Variants in GPRIN3 observed in about 807,000 individuals in gnomAD.
GPRIN3 encodes the protein GPRIN family member 3.
GPRIN3 carries 12 observed loss-of-function variants against 13.7 expected under a neutral mutation model. The ratio of observed to expected loss-of-function variants is 0.87; its 90% CI spans 0.56 to 1.42. GPRIN3 has a LOEUF of 1.42. Ranked by LOEUF, GPRIN3 falls within the 40% of genes most tolerant of loss-of-function variation. The pLI is 0.00. For missense variants in GPRIN3, 1,009 were observed against 958.7 expected (o/e 1.05, Z -0.69); for synonymous variants, 377 against 372.7 (o/e 1.01, Z -0.13).
intron 1 of GPRIN3, among the ~76,000 whole-genome samples, chr4:89,281,763 G>A (rs1248919423): frequency 6.6e-6 from 1 of 152,036 alleles, no homozygotes; most frequent in East Asian, 1.9e-4. Context: ...TTTTGTTATG[G>A]CCACTCTAGG....
intron 1 of GPRIN3, among the ~76,000 whole-genome samples, chr4:89,278,397 A>G (rs1428618483): frequency 6.6e-6 from 1 of 152,224 alleles, no homozygotes; most frequent in Admixed American, 6.5e-5. Context: ...CCACAGCGAT[A>G]ATGACATATT....
chr4:89,257,797 G>A (rs922756336), intron 1 of GPRIN3, among the ~76,000 whole-genome samples: 17 of 152,110 alleles, frequency 1.1e-4, no homozygotes, highest in Admixed American at 5.2e-4. Context: ...TAGTGGTATA[G>A]GAACATTCCT....
At chr4:89,270,526 C>T (rs1490196205) in intron 1 of GPRIN3, among the ~76,000 whole-genome samples, 4 of 135,094 alleles carry the variant, frequency 3.0e-5, no homozygotes, top group African/African-American at 1.2e-4. Context: ...GCTACGACAT[C>T]TCTCATATAT....
intron 1 of GPRIN3, among the ~76,000 whole-genome samples, chr4:89,301,450 G>A (rs759188694): frequency 6.6e-6 from 1 of 152,112 alleles, no homozygotes; most frequent in African/African-American, 2.4e-5. Flanking sequence ...TAGAAAAACT[G>A]TCAACAAGAA....
At position 89,249,473 on chromosome 4, in the gene GPRIN3, G is replaced by C; in HGVS notation, c.638C>G (p.Ser213Cys). The C allele has an allele frequency of 6.2e-7, 1 of 1,614,092 alleles. No individual in the cohort carries two copies. The highest frequency in any genetic ancestry group is 8.5e-7 in the Non-Finnish European group (1 of 1,180,020). Residue 213 changes from serine to cysteine, a missense_variant, in exon 2 of 2, where the codon TCC becomes TGC. Transcript: ENST00000609438. ...CCCTTCAGGTCCACCTACAGGAGAGGATGAGTGACTGACCACCCTGGCTGC... is the reference window on the plus strand; with the variant it reads ...CCCTTCAGGTCCACCTACAGGAGAGCATGAGTGACTGACCACCCTGGCTGC... ...VTAARVVSHS[S>C]SPVGGPEGER...
At chr4:89,306,186 T>C (rs1725028585) in intron 1 of GPRIN3, among the ~76,000 whole-genome samples, 1 of 152,174 alleles carries the variant, frequency 6.6e-6, no homozygotes, top group African/African-American at 2.4e-5. Flanking sequence ...CTTTTGCAGA[T>C]AGCAGCAGAG....
rs1723137021 is a variant in GPRIN3, at chr4:89,247,546, C to T, written c.*234G>A. 2.2e-6 allele frequency: 1 copy of T among 458,470 alleles called. No homozygotes were observed. The highest frequency in any genetic ancestry group is 3.8e-6 in the Non-Finnish European group (1 of 260,130). The allele number at this position is 458,470 out of a possible 1,614,324, so 28.4% of individuals were successfully genotyped here. A position where few individuals can be genotyped will look rare whatever the true frequency, so the allele number is the denominator to read the frequency against. On this transcript the variant is annotated 3_prime_UTR_variant, in exon 2 of 2. Coordinates refer to ENST00000609438, the MANE Select transcript of GPRIN3 (RefSeq NM_198281.3). ...TATTATTTTCAATTTGTTAAGGTTG[C>T]AAACCTTCAGTGAAGCTTGTTTCTC... is the stretch of plus-strand genomic sequence containing the variant.
chr4:89,288,499 C>A (rs1397907372), intron 1 of GPRIN3, among the ~76,000 whole-genome samples: 7 of 152,146 alleles, frequency 4.6e-5, no homozygotes, highest in Non-Finnish European at 1.0e-4. Flanking sequence ...ATATATTCTA[C>A]ATGAGGGCAG....
rs116558134 is a variant in GPRIN3, at chr4:89,257,662, T to C, written c.-123-7429A>G. On this transcript the variant is annotated intron_variant, in intron 1 of 1. Coordinates refer to ENST00000609438, the MANE Select transcript of GPRIN3 (RefSeq NM_198281.3). ...CCATCTGGCTCCTGAGTCCACATTG[T>C]TAACCAGTTTTACACAGGGAAGAGA... Among the ~76,000 whole-genome samples, 1,038 of 152,312 alleles carry C rather than the reference T, an allele frequency of 6.8e-3. 10 individuals carry two copies. The highest frequency in any genetic ancestry group is 0.024 in the African/African-American group (985 of 41,578).
intron 1 of GPRIN3, chr4:89,251,005 A>G (rs998912579): frequency 1.3e-5 from 2 of 152,180 alleles, no homozygotes; most frequent in African/African-American, 4.8e-5. Flanking sequence ...ATTTTATGGC[A>G]TGACAAAAGA....
chr4:89,290,487 A>G (rs138351848), intron 1 of GPRIN3, among the ~76,000 whole-genome samples: 165 of 152,212 alleles, frequency 1.1e-3, no homozygotes, highest in African/African-American at 3.9e-3. Flanking sequence ...CATTTCTCAA[A>G]GGGCTTAGGA....
chr4:89,307,413 T>C (rs1442467169), intron 1 of GPRIN3, among the ~76,000 whole-genome samples: 3 of 152,024 alleles, frequency 2.0e-5, no homozygotes, highest in East Asian at 1.9e-4. Flanking sequence ...AAGAGAGCAA[T>C]GACCTTGCAG....
At chr4:89,253,725 T>A (rs974026915) in intron 1 of GPRIN3, among the ~76,000 whole-genome samples, 7 of 152,232 alleles carry the variant, frequency 4.6e-5, no homozygotes, top group African/African-American at 1.4e-4. Flanking sequence ...TAATTGTCCA[T>A]CAATTGAAGT....
intron 1 of GPRIN3, among the ~76,000 whole-genome samples, chr4:89,256,840 T>C (rs1723478144): frequency 6.6e-6 from 1 of 151,638 alleles, no homozygotes; most frequent in African/African-American, 2.4e-5. Flanking sequence ...AAGAAAAGAG[T>C]AAAGAAAAAA....
chr4:89,262,171 T>C (rs1050304807), intron 1 of GPRIN3, among the ~76,000 whole-genome samples: 1 of 137,314 alleles, frequency 7.3e-6, no homozygotes, highest in Admixed American at 7.2e-5. Flanking sequence ...ATCTCCAAAA[T>C]ACATTTTTAA....
intron 1 of GPRIN3, among the ~76,000 whole-genome samples, chr4:89,283,205 A>G (rs117001415): frequency 6.6e-6 from 1 of 152,340 alleles, no homozygotes; most frequent in East Asian, 1.9e-4. Flanking sequence ...TAGCACAAAC[A>G]TTAAACATTA....
At chr4:89,295,487 G>A (rs2110019808) in intron 1 of GPRIN3, among the ~76,000 whole-genome samples, 1 of 152,182 alleles carries the variant, frequency 6.6e-6, no homozygotes, top group East Asian at 1.9e-4. Context: ...CTCTCCATAG[G>A]GCGTAGGGCT....
At chr4:89,273,026 T>G (rs902759565) in intron 1 of GPRIN3, among the ~76,000 whole-genome samples, 1 of 152,188 alleles carries the variant, frequency 6.6e-6, no homozygotes, top group Admixed American at 6.5e-5. Context: ...TTTTTTTTTG[T>G]AGATCATTTA....
intron 1 of GPRIN3, among the ~76,000 whole-genome samples, chr4:89,263,042 T>C (rs1723675945): frequency 6.6e-6 from 1 of 152,360 alleles, no homozygotes; most frequent in Non-Finnish European, 1.5e-5. Context: ...AGAAAACATA[T>C]TTTAATTGCC....
Sources: allele counts gnomAD v4.1 joint callset (sites outside exome capture counted in the v4.1 genomes callset), GRCh38; gene constraint gnomAD v4.1.1; transcripts MANE v1.5; gene names NCBI Gene and HGNC (gene_info 2026-07-23, HGNC 2026-07-21).